The following SIDT2 variants were observed in gnomAD, a reference collection of about 807,000 sequenced individuals.
SIDT2 encodes SID1 transmembrane family, member 2.
In SIDT2, 68 loss-of-function variants were observed where a neutral mutation model predicts 114.4. That is an observed-to-expected ratio of 0.59 (90% CI 0.49 to 0.73). SIDT2 has a LOEUF of 0.73. Ranked by LOEUF, SIDT2 falls within the 30% of genes least tolerant of loss-of-function variation. SIDT2 has a pLI of 0.00. For synonymous variants in SIDT2, 470 were observed against 438.4 expected (o/e 1.07, Z -0.90); for missense variants, 918 against 1,097.1 (o/e 0.84, Z 2.31).
Position 117,178,896 on chromosome 11 carries a change from C to T in SIDT2, c.-368C>T, listed in dbSNP as rs1486972415. On this transcript the variant is annotated 5_prime_UTR_variant, in exon 1 of 26. Transcript: ENST00000324225. ...CCGCGGCCAGCCCCCGCCGCCGGCT[C>T]TTCCTCCCTCCCCTTTCCCGGCGTC... The T allele has an allele frequency of 2.3e-5, 5 of 217,824 alleles. No homozygotes were observed. In the East Asian group the frequency reaches 4.5e-4, roughly 20 times the overall value. The allele number at this position is 217,824 out of a possible 1,614,324, so 13.5% of individuals were successfully genotyped here.
rs151127530 is a variant in SIDT2, at chr11:117,189,180, T to C, written c.1290T>C (p.Tyr430=). 7 of 1,614,220 alleles carry C rather than the reference T, an allele frequency of 4.3e-6. No homozygotes were observed. The East Asian group carries it at 1.6e-4, about 36-fold the overall frequency. Reference sequence around the variant, plus strand: ...CAGCTTCTCCCCAGCAATACCTCTATGTGGCTGACCTGGCACGGAAGGACA... The same window carrying C: ...CAGCTTCTCCCCAGCAATACCTCTACGTGGCTGACCTGGCACGGAAGGACA... ...KNVIRTKQYL[Y]VADLARKDKR... The change falls in exon 14 of 26, where the codon TAT becomes TAC. Residue 430 remains tyrosine, a synonymous_variant. Transcript: ENST00000324225.
chr11:117,189,252 CTGAG>C lies in SIDT2; in HGVS notation c.1352+13_1352+16del, dbSNP rs1198010576. 6.2e-7 allele frequency: 1 copy of C among 1,614,170 alleles called. No individual in the cohort carries two copies. On this transcript the variant is annotated intron_variant, in intron 14 of 25. Coordinates refer to ENST00000324225, the MANE Select transcript of SIDT2 (RefSeq NM_001040455.2). Reference sequence around the variant, plus strand: ...ACCAGATCTACTTCTGGTGAGTGGGCTGAGTGTCTGGGGCTCTGCTGTTGGTGGG... The same window carrying C: ...ACCAGATCTACTTCTGGTGAGTGGGCTGTCTGGGGCTCTGCTGTTGGTGGG...
At chr11:117,180,271 T>C (rs2030226812) in intron 1 of SIDT2, among the ~76,000 whole-genome samples, 1 of 152,166 alleles carries the variant, frequency 6.6e-6, no homozygotes, top group South Asian at 2.1e-4. Context: ...TTGGTTTCTG[T>C]GGCAGGCCAG....
chr11:117,194,350 G>C (rs3781985), intron 24 of SIDT2, among the ~76,000 whole-genome samples: 17,948 of 152,056 alleles, frequency 0.12, 1,635 homozygotes, highest in African/African-American at 0.26. Context: ...CCTACCATAG[G>C]CCAGCACTTT....
intron 8 of SIDT2, chr11:117,185,909 T>G: frequency 5.0e-6 from 2 of 403,572 alleles, no homozygotes; most frequent in South Asian, 3.6e-5. Flanking sequence ...GAAGAGAAAG[T>G]TCTAGCCCAG....
In SIDT2 at chr11:117,192,323, C is replaced by A; in HGVS notation, c.1942C>A (p.Leu648Ile). The A allele has an allele frequency of 6.2e-7, 1 of 1,611,710 alleles. No homozygotes were observed. Among genetic ancestry groups the A allele is most frequent in the Non-Finnish European group, 8.5e-7 (1 of 1,177,908 alleles). Residue 648 changes from leucine (L) to isoleucine (I), a missense_variant, in exon 20 of 26, where the codon CTC (leucine) becomes ATC (isoleucine). Physicochemically the swap from Leu to Ile is conservative, Grantham distance 5. Transcript: ENST00000324225. This position sits in a 1 kb window ranked among gnomAD's most constrained non-coding sequence, Gnocchi z 5.9. ...SIIHIIATLL[L>I]STQLYYMGRW... ...CATTCACATCATCGCCACCCTGCTCCTCAGCACGCAGCTCTATTACATGGG... is the reference window on the plus strand; with the variant it reads ...CATTCACATCATCGCCACCCTGCTCATCAGCACGCAGCTCTATTACATGGG...
In SIDT2 at chr11:117,190,277, C is replaced by T. The variant is rs746599638; in HGVS notation, c.1605C>T (p.Asp535=). The T allele has an allele frequency of 3.4e-5, 53 of 1,540,932 alleles. No homozygotes were observed. In the East Asian group the frequency reaches 1.1e-3, roughly 33 times the overall value. Residue 535 remains aspartate, a synonymous_variant, in exon 17 of 26, where the codon GAC becomes GAT. Transcript: ENST00000324225. The surrounding 1 kb of genome is among the most constrained non-coding windows in gnomAD (Gnocchi z 4.1). ...ACAACCGGGCCCTGCTGCGCAATGA[C>T]CTCTGTGCCCTGGTAAGGGAGCACC... The part of the protein sequence containing the change: ...INHNRALLRN[D]LCALECGIPK...
Position 117,196,212 on chromosome 11 carries a change from T to A in SIDT2, c.*146T>A. 3 of 1,117,180 alleles carry A rather than the reference T, an allele frequency of 2.7e-6. No homozygotes were observed. The highest frequency in any genetic ancestry group is 3.8e-6 in the Non-Finnish European group (3 of 784,748). 69.2% of individuals were successfully genotyped at this position (1,117,180 alleles called of 1,614,324 possible). On this transcript the variant is annotated 3_prime_UTR_variant, in exon 26 of 26. Transcript: ENST00000324225. The surrounding 1 kb of genome is among the most constrained non-coding windows in gnomAD (Gnocchi z 4.9). Reference sequence around the variant, plus strand: ...AGGACAGCCAGGTCTAGCTTAGGCTTGGCCTGGGACAGCCATGGGGTGGCA... The same window carrying A: ...AGGACAGCCAGGTCTAGCTTAGGCTAGGCCTGGGACAGCCATGGGGTGGCA...
Position 117,192,386 on chromosome 11 carries a change from C to G in SIDT2, c.1981+24C>G, listed in dbSNP as rs367710792. On this transcript the variant is annotated intron_variant, in intron 20 of 25. Transcript: ENST00000324225. The surrounding 1 kb of genome is among the most constrained non-coding windows in gnomAD (Gnocchi z 5.9). The stretch of plus-strand genomic sequence containing the variant: ...GGGTAAGGGCACGCCCGGGGCAGGG[C>G]CTGGGGGAGGGGTCTGGGGGGCCTT... 6.7e-7 allele frequency: 1 copy of G among 1,500,484 alleles called. No individual in the cohort carries two copies. Among genetic ancestry groups the G allele is most frequent in the African/African-American group, 1.4e-5 (1 of 72,556 alleles). The allele number at this position is 1,500,484 out of a possible 1,614,324, so 92.9% of individuals were successfully genotyped here.
At chr11:117,195,095 A>T in intron 24 of SIDT2, among the ~76,000 whole-genome samples, 1 of 111,874 alleles carries the variant, frequency 8.9e-6, no homozygotes, top group Non-Finnish European at 1.8e-5. Context: ...CAAAAAAAAA[A>T]AAAAAAAAAA....
At chr11:117,189,909 G>C (rs746049864) in intron 15 of SIDT2, 43 bp from the exon 16 acceptor site, 1 of 1,600,526 alleles carries the variant, frequency 6.2e-7, no homozygotes, top group African/African-American at 1.3e-5. Flanking sequence ...GGCTGAGTTG[G>C]GCGTGACGAC....
At chr11:117,186,924 TTC>T (rs1591768569) in intron 10 of SIDT2, 61 of 1,483,812 alleles carry the variant, frequency 4.1e-5, no homozygotes, top group Middle Eastern at 1.7e-4. Flanking sequence ...TAACCTTTCC[TTC>T]TCTCTCTCTT....
At chr11:117,189,541 C>T (rs1195792146) in intron 15 of SIDT2, 140 bp downstream of exon 15, 2 of 862,042 alleles carry the variant, frequency 2.3e-6, no homozygotes, top group Admixed American at 2.6e-5. Flanking sequence ...CCGAGTGACC[C>T]AGGGCAAATC....
At position 117,190,476 on chromosome 11, in the gene SIDT2, C is replaced by T. The variant is rs2030659360; in HGVS notation, c.1618-147C>T. ...GCCCTGCCCTCCCTTGCCAGCCTGCCCAGGCCAGCCCACCCCTGCACACCC... is the reference window on the plus strand; with the variant it reads ...GCCCTGCCCTCCCTTGCCAGCCTGCTCAGGCCAGCCCACCCCTGCACACCC... On this transcript the variant is annotated intron_variant, in intron 17 of 25. Transcript: ENST00000324225. The surrounding 1 kb of genome is among the most constrained non-coding windows in gnomAD (Gnocchi z 4.1). 4 of 1,119,650 alleles carry T rather than the reference C, an allele frequency of 3.6e-6. No homozygotes were observed. The highest frequency in any genetic ancestry group is 5.0e-6 in the Non-Finnish European group (4 of 799,358). The allele number at this position is 1,119,650 out of a possible 1,614,324, so 69.4% of individuals were successfully genotyped here. A position where few individuals can be genotyped will look rare whatever the true frequency, so the allele number is the denominator to read the frequency against.
chr11:117,191,853 C>A, intron 18 of SIDT2, 25 bp from the exon 19 acceptor site: 1 of 1,610,718 alleles, frequency 6.2e-7, no homozygotes. Context: ...ATTTCTGCAG[C>A]TCCCTTCCGT....
At chr11:117,193,043 G>T in intron 22 of SIDT2, 110 bp from the exon 23 acceptor site, 1 of 1,365,186 alleles carries the variant, frequency 7.3e-7, no homozygotes, top group Non-Finnish European at 1.0e-6. Flanking sequence ...ATCTTCTGTG[G>T]GCTTCTGAAC....
At chr11:117,186,042 G>A (rs766726522) in intron 8 of SIDT2, 88 bp from the exon 9 acceptor site, 6 of 1,065,296 alleles carry the variant, frequency 5.6e-6, no homozygotes, top group Non-Finnish European at 8.7e-6. Context: ...ATTGAGCTGG[G>A]TGGAGGAGGA....
chr11:117,180,449 A>G (rs4938354), intron 1 of SIDT2, among the ~76,000 whole-genome samples: 94,796 of 151,216 alleles, frequency 0.63, 31,641 homozygotes, highest in Non-Finnish European at 0.76. Flanking sequence ...GCATTCCAAG[A>G]TCGATTTGGT....
intron 8 of SIDT2, among the ~76,000 whole-genome samples, chr11:117,184,820 G>T (rs771071420): frequency 6.6e-6 from 1 of 152,130 alleles, no homozygotes; most frequent in Non-Finnish European, 1.5e-5. Flanking sequence ...CCGCCTCCCG[G>T]GTTCAAATGA....
Sources: allele counts gnomAD v4.1 joint callset (sites outside exome capture counted in the v4.1 genomes callset), GRCh38; gene constraint gnomAD v4.1.1; non-coding constraint Gnocchi (gnomAD v3.1); transcripts MANE v1.5; gene names NCBI Gene and HGNC (gene_info 2026-07-23, HGNC 2026-07-21).